Variants in TMEM45B observed in about 807,000 individuals in gnomAD.
TMEM45B encodes transmembrane protein 45B.
A neutral mutation model predicts 27.3 loss-of-function variants in TMEM45B; 29 were observed. That is an observed-to-expected ratio of 1.06 (90% CI 0.79 to 1.45). The LOEUF is 1.45. Among genes scored for constraint, TMEM45B ranks in the 40% most tolerant of loss-of-function variants. The pLI is 0.00. For synonymous variants in TMEM45B, 143 were observed against 134.7 expected (o/e 1.06, Z -0.43); for missense variants, 348 against 343.9 (o/e 1.01, Z -0.09).
rs1295065384 is a variant in TMEM45B at position 129,838,594 on chromosome 11, TATCTC to T, written c.-8-13878_-8-13874del. 2.6e-5 allele frequency among the ~76,000 whole-genome samples: 4 copies of T among 152,294 alleles called. No homozygotes were observed. In the East Asian group the frequency reaches 7.7e-4, roughly 29 times the overall value. On this transcript the variant is annotated intron_variant, in intron 1 of 5. Coordinates refer to ENST00000281441, the MANE Select transcript of TMEM45B (RefSeq NM_138788.5). ...TTCATTCTTTTTAACGGTTATATAA[TATCTC>T]ATAGTAAAGATAAAATATAATTTAT...
intron 1 of TMEM45B, among the ~76,000 whole-genome samples, chr11:129,845,627 T>A (rs1373716463): frequency 6.6e-6 from 1 of 152,018 alleles, no homozygotes; most frequent in Non-Finnish European, 1.5e-5. Flanking sequence ...AAAAAATGCA[T>A]GAGTGACAGA....
At chr11:129,828,825 C>A (rs1046963180) in intron 1 of TMEM45B, among the ~76,000 whole-genome samples, 12 of 152,182 alleles carry the variant, frequency 7.9e-5, no homozygotes, top group Non-Finnish European at 8.8e-5. Flanking sequence ...TCAGCCACTG[C>A]CCTCTCTAGG....
intron 1 of TMEM45B, among the ~76,000 whole-genome samples, chr11:129,845,814 G>A (rs1947753699): frequency 6.6e-6 from 1 of 152,090 alleles, no homozygotes; most frequent in South Asian, 2.1e-4. Context: ...ATGGAAATAA[G>A]CCAAGAAAGA....
In TMEM45B at chr11:129,857,448, CTT is replaced by C. The variant is rs577680328; in HGVS notation, c.707_708del (p.Leu236ArgfsTer26). 37 of 1,614,034 alleles carry C rather than the reference CTT, an allele frequency of 2.3e-5. No homozygotes were observed. Among genetic ancestry groups the C allele is most frequent in the Middle Eastern group, 3.3e-4 (2 of 6,084 alleles). ...CAGCATTGTGGCCGTCAACTATTCT[CTT>C]GTTTACTGGTATGTCTGAGACTTCA... is the stretch of plus-strand genomic sequence containing the variant. Reference protein sequence around the residue: ...ALSIVAVNYSLVYCLLTRMKR... With the variant: ...ALSIVAVNYSXVYCLLTRMKR... On this transcript the variant is annotated frameshift_variant, in exon 5 of 6. Coordinates refer to ENST00000281441, the MANE Select transcript of TMEM45B (RefSeq NM_138788.5). LOFTEE classifies it high-confidence loss of function.
chr11:129,855,607 C>T lies in TMEM45B; in HGVS notation c.386-101C>T. 3.4e-6 allele frequency: 4 copies of T among 1,191,322 alleles called. No individual in the cohort carries two copies. In the South Asian group the frequency reaches 5.4e-5, roughly 16 times the overall value. The allele number at this position is 1,191,322 out of a possible 1,614,324, so 73.8% of individuals were successfully genotyped here. A position where few individuals can be genotyped will look rare whatever the true frequency, so the allele number is the denominator to read the frequency against. On this transcript the variant is annotated intron_variant, in intron 3 of 5. Transcript: ENST00000281441. Reference sequence around the variant, plus strand: ...TGCCTGTAATGTTATGTACTAACTGCCTAAATGCTGAAGAACCTAGCTGAG... The same window carrying T: ...TGCCTGTAATGTTATGTACTAACTGTCTAAATGCTGAAGAACCTAGCTGAG...
chr11:129,849,550 T>C (rs554938659), intron 1 of TMEM45B, among the ~76,000 whole-genome samples: 1 of 152,292 alleles, frequency 6.6e-6, no homozygotes, highest in Non-Finnish European at 1.5e-5. Flanking sequence ...GCTCGGGCCC[T>C]GAGGTCAAAG....
rs762240068 is a variant in TMEM45B, at chr11:129,852,672, G to C, written c.178+12G>C. On this transcript the variant is annotated intron_variant, in intron 2 of 5. Transcript: ENST00000281441. ...GTTTTCCGTCACTGGTAAGAGCAGG[G>C]GTCATTTGGTCTAGGGAATCTCCTC... is the stretch of plus-strand genomic sequence containing the variant. 1 of 1,592,404 alleles carries C rather than the reference G, an allele frequency of 6.3e-7. No homozygotes were observed. Among genetic ancestry groups the C allele is most frequent in the Non-Finnish European group, 8.6e-7 (1 of 1,162,742 alleles).
intron 1 of TMEM45B, among the ~76,000 whole-genome samples, chr11:129,832,433 T>C (rs556558570): frequency 1.3e-5 from 2 of 152,204 alleles, no homozygotes; most frequent in African/African-American, 4.8e-5. Context: ...CTTGAAAACA[T>C]TATGCTGAGG....
rs550192532 is a variant in TMEM45B at position 129,845,383 on chromosome 11, G to GGGTA, written c.-8-7089_-8-7086dup. Among the ~76,000 whole-genome samples the GGGTA allele has an allele frequency of 6.5e-4, 97 of 149,984 alleles. 1 individual carries two copies. The highest frequency in any genetic ancestry group is 2.2e-3 in the African/African-American group (90 of 40,730). ...TGTGTGTGTGTATGCATGAAGGAAG[G>GGGTA]GGTAGGAAATAGAGCTATTATATAT... On this transcript the variant is annotated intron_variant, in intron 1 of 5. Transcript: ENST00000281441.
At chr11:129,849,990 A>G (rs1470362510) in intron 1 of TMEM45B, among the ~76,000 whole-genome samples, 1 of 151,816 alleles carries the variant, frequency 6.6e-6, no homozygotes, top group East Asian at 1.9e-4. Flanking sequence ...TTCTACACAT[A>G]CTAACCTGCT....
At chr11:129,831,735 G>A (rs1362865731) in intron 1 of TMEM45B, among the ~76,000 whole-genome samples, 1 of 152,156 alleles carries the variant, frequency 6.6e-6, no homozygotes, top group Non-Finnish European at 1.5e-5. Flanking sequence ...TAAACAAAAT[G>A]TGACACATCC....
chr11:129,816,940 G>A (rs1289766850), intron 1 of TMEM45B, among the ~76,000 whole-genome samples: 18 of 150,668 alleles, frequency 1.2e-4, no homozygotes, highest in African/African-American at 4.4e-4. Context: ...TAGAGACGGG[G>A]TTTCACCGTG....
At chr11:129,836,052 A>T (rs1244818075) in intron 1 of TMEM45B, among the ~76,000 whole-genome samples, 1 of 152,076 alleles carries the variant, frequency 6.6e-6, no homozygotes, top group African/African-American at 2.4e-5. Context: ...CAGGAGGCAG[A>T]GGGTGGAGTG....
At position 129,858,864 on chromosome 11, in the gene TMEM45B, T is replaced by C. The variant is rs911515592; in HGVS notation, c.*179T>C. 5 of 464,194 alleles carry C rather than the reference T, an allele frequency of 1.1e-5. No individual in the cohort carries two copies. Among genetic ancestry groups the C allele is most frequent in the Non-Finnish European group, 1.9e-5 (5 of 258,470 alleles). The allele number at this position is 464,194 out of a possible 1,614,324, so 28.8% of individuals were successfully genotyped here. On this transcript the variant is annotated 3_prime_UTR_variant, in exon 6 of 6. Coordinates refer to ENST00000281441, the MANE Select transcript of TMEM45B (RefSeq NM_138788.5). ...TCAGGCCTACAGCATCCTGTGTATC[T>C]TGCAGTTGGGATTTTTAAACATACT...
chr11:129,821,867 G>C (rs1363539731), intron 1 of TMEM45B, among the ~76,000 whole-genome samples: 2 of 151,880 alleles, frequency 1.3e-5, no homozygotes, highest in East Asian at 1.9e-4. Flanking sequence ...TTGGCGGGGT[G>C]GGGGGAATAC....
In TMEM45B at chr11:129,858,729, T is replaced by C; in HGVS notation, c.*44T>C. ...CAGATGTCCCACTGCACAGCTGGAATGAATGGAGTTCATCCCCTCCACCTG... is the reference window on the plus strand; with the variant it reads ...CAGATGTCCCACTGCACAGCTGGAACGAATGGAGTTCATCCCCTCCACCTG... On this transcript the variant is annotated 3_prime_UTR_variant, in exon 6 of 6. Transcript: ENST00000281441. 7.1e-7 allele frequency: 1 copy of C among 1,416,260 alleles called. No individual in the cohort carries two copies. Among genetic ancestry groups the C allele is most frequent in the South Asian group, 1.2e-5 (1 of 80,628 alleles). The allele number at this position is 1,416,260 out of a possible 1,614,324, so 87.7% of individuals were successfully genotyped here.
At chr11:129,834,197 G>A (rs1407631872) in intron 1 of TMEM45B, among the ~76,000 whole-genome samples, 7 of 152,292 alleles carry the variant, frequency 4.6e-5, no homozygotes, top group Non-Finnish European at 8.8e-5. Flanking sequence ...TTGGGAGGCT[G>A]AGGCAGGCGG....
intron 1 of TMEM45B, among the ~76,000 whole-genome samples, chr11:129,847,631 C>T (rs1947780748): frequency 6.6e-6 from 1 of 151,502 alleles, no homozygotes; most frequent in South Asian, 2.1e-4. Context: ...TAACAAAGCA[C>T]ATCTTGCACC....
chr11:129,825,870 T>C (rs2135556699), intron 1 of TMEM45B, among the ~76,000 whole-genome samples: 1 of 152,358 alleles, frequency 6.6e-6, no homozygotes, highest in South Asian at 2.1e-4. Context: ...TTTGGAGAGA[T>C]CTTTCCATTA....
Sources: allele counts gnomAD v4.1 joint callset (sites outside exome capture counted in the v4.1 genomes callset), GRCh38; gene constraint gnomAD v4.1.1; transcripts MANE v1.5; gene names NCBI Gene and HGNC (gene_info 2026-07-23, HGNC 2026-07-21).